CADM2: variants seen among roughly 807,000 people sequenced by gnomAD.
The protein encoded by CADM2 is immunoglobulin superfamily member 4D.
Under a neutral mutation model 49.8 loss-of-function variants are expected in CADM2, and 12 were observed. That is an observed-to-expected ratio of 0.24 (90% confidence interval 0.15 to 0.39). The LOEUF (loss-of-function observed/expected upper bound fraction) is 0.39. CADM2 is among the 10% of genes least tolerant of loss of function. The pLI is 1.00. For missense variants in CADM2, 378 were observed against 492.3 expected (o/e 0.77, Z 2.20); for synonymous variants, 214 against 175.4 (o/e 1.22, Z -1.74).
At position 85,989,977 on chromosome 3, in the gene CADM2, C is replaced by CCT. The variant is rs1324769688; in HGVS notation, c.970+28332_970+28333dup. 6.2e-5 allele frequency among the ~76,000 whole-genome samples: 8 copies of CCT among 129,846 alleles called. No homozygotes were observed. The South Asian group carries it at 2.0e-3, about 33-fold the overall frequency. The allele number at this position is 129,846 out of a possible 152,430, so 85.2% of individuals were successfully genotyped here. A position where few individuals can be genotyped will look rare whatever the true frequency, so the allele number is the denominator to read the frequency against. ...CAGTGAGCTGAGATCGCACCACTGC[C>CCT]CTCCAGCCTGGGCGACAAGAGAGAA... On this transcript the variant is annotated intron_variant, in intron 8 of 9. Coordinates refer to ENST00000383699, the MANE Select transcript of CADM2 (RefSeq NM_001167675.2).
chr3:85,972,152 A>G (rs899113157), intron 8 of CADM2, among the ~76,000 whole-genome samples: 1 of 151,656 alleles, frequency 6.6e-6, no homozygotes, highest in Non-Finnish European at 1.5e-5. Flanking sequence ...CTGTGATCCA[A>G]ATAGGCTGCT....
intron 1 of CADM2, among the ~76,000 whole-genome samples, chr3:85,652,021 G>C (rs1227450529): frequency 7.4e-6 from 1 of 135,876 alleles, no homozygotes; most frequent in African/African-American, 2.7e-5. Flanking sequence ...TTTTCACCCT[G>C]TTAGCCAGGA....
At chr3:84,973,040 T>C (rs1010088142) in intron 1 of CADM2, among the ~76,000 whole-genome samples, 1 of 152,082 alleles carries the variant, frequency 6.6e-6, no homozygotes, top group East Asian at 1.9e-4. Context: ...TAGCCTCCCA[T>C]GTAGCTGAGA....
At chr3:85,230,712 T>C (rs901733541) in intron 1 of CADM2, among the ~76,000 whole-genome samples, 1 of 152,162 alleles carries the variant, frequency 6.6e-6, no homozygotes, top group African/African-American at 2.4e-5. Context: ...ATAAGGAAAA[T>C]AGGGAGAAAT....
intron 8 of CADM2, among the ~76,000 whole-genome samples, chr3:86,011,864 AT>A (rs1419330166): frequency 6.6e-6 from 1 of 152,190 alleles, no homozygotes; most frequent in Non-Finnish European, 1.5e-5. Flanking sequence ...AAGTGATTTA[AT>A]TGTAAGAAAA....
chr3:85,999,275 G>T (rs570448488), intron 8 of CADM2, among the ~76,000 whole-genome samples: 2 of 151,280 alleles, frequency 1.3e-5, no homozygotes, highest in Admixed American at 6.6e-5. Context: ...GAGGGTTGGG[G>T]GGTGGATCAC....
intron 1 of CADM2, among the ~76,000 whole-genome samples, chr3:85,474,239 T>G (rs866849330): frequency 6.6e-6 from 1 of 151,550 alleles, no homozygotes; most frequent in Non-Finnish European, 1.5e-5. Flanking sequence ...GGATTGTGGA[T>G]GGTTGGAAAA....
intron 1 of CADM2, among the ~76,000 whole-genome samples, chr3:85,319,411 A>T (rs895410382): frequency 1.3e-5 from 2 of 152,160 alleles, no homozygotes; most frequent in Non-Finnish European, 2.9e-5. Flanking sequence ...TAAAACCAGA[A>T]CTACCGTTCG....
intron 1 of CADM2, among the ~76,000 whole-genome samples, chr3:85,087,914 G>T (rs1559653761): frequency 6.6e-6 from 1 of 152,062 alleles, no homozygotes; most frequent in East Asian, 1.9e-4. Context: ...CTACAGCACT[G>T]ATTCTATTAT....
At chr3:85,317,547 C>A (rs537508617) in intron 1 of CADM2, among the ~76,000 whole-genome samples, 69 of 152,326 alleles carry the variant, frequency 4.5e-4, no homozygotes, top group African/African-American at 1.6e-3. Flanking sequence ...ATCAAGGCAT[C>A]AGCTTCCAAG....
intron 8 of CADM2, among the ~76,000 whole-genome samples, chr3:86,042,624 A>G (rs1216171857): frequency 3.9e-5 from 6 of 152,156 alleles, no homozygotes; most frequent in Admixed American, 3.9e-4. Context: ...GACCAGATGG[A>G]TTCACAGCTG....
At chr3:84,989,618 A>G (rs939108383) in intron 1 of CADM2, among the ~76,000 whole-genome samples, 2 of 152,058 alleles carry the variant, frequency 1.3e-5, no homozygotes, top group African/African-American at 4.8e-5. Flanking sequence ...TTTTAGTTGT[A>G]TGTTTCCAAA....
At chr3:86,063,827 C>A (rs113390944) in intron 8 of CADM2, among the ~76,000 whole-genome samples, 14 of 152,084 alleles carry the variant, frequency 9.2e-5, no homozygotes, top group African/African-American at 3.4e-4. Flanking sequence ...TTAAATAGAT[C>A]TGTAAATTAT....
intron 1 of CADM2, among the ~76,000 whole-genome samples, chr3:85,012,155 A>G (rs1051309677): frequency 1.3e-5 from 2 of 151,668 alleles, no homozygotes; most frequent in Non-Finnish European, 2.9e-5. Context: ...TTTTGATGAA[A>G]AAAAATGAGC....
At chr3:85,952,032 TA>T (rs751348952) in intron 7 of CADM2, among the ~76,000 whole-genome samples, 72 of 150,466 alleles carry the variant, frequency 4.8e-4, no homozygotes, top group Non-Finnish European at 8.3e-4. Context: ...TGATGATATA[TA>T]AGAAAGTAGC....
chr3:86,031,220 T>A (rs1734521547), intron 8 of CADM2, among the ~76,000 whole-genome samples: 1 of 151,750 alleles, frequency 6.6e-6, no homozygotes, highest in African/African-American at 2.4e-5. Context: ...CCTGGATGGG[T>A]TTAATTACAG....
intron 1 of CADM2, among the ~76,000 whole-genome samples, chr3:85,685,147 C>T (rs1028799603): frequency 7.9e-5 from 12 of 152,050 alleles, no homozygotes; most frequent in Non-Finnish European, 1.8e-4. Context: ...AGGCGCCCAC[C>T]TGGGACCAGC....
chr3:85,632,316 T>A (rs1228832011), intron 1 of CADM2, among the ~76,000 whole-genome samples: 1 of 152,168 alleles, frequency 6.6e-6, no homozygotes, highest in Admixed American at 6.6e-5. Context: ...CATGTGGAAC[T>A]GTGAGTTCTC....
chr3:85,448,635 A>G (rs970113136), intron 1 of CADM2, among the ~76,000 whole-genome samples: 2 of 152,102 alleles, frequency 1.3e-5, no homozygotes, highest in Non-Finnish European at 2.9e-5. Flanking sequence ...ATATGGTGCA[A>G]CATAATCATT....
Sources: gnomAD v4.1 joint callset for allele counts (sites outside exome capture counted in the v4.1 genomes callset) on GRCh38, gnomAD v4.1.1 for gene constraint, MANE v1.5 for transcripts, NCBI Gene and HGNC (gene_info 2026-07-23, HGNC 2026-07-21) for gene names.